The following ZNF704 variants were observed in gnomAD, a reference collection of about 807,000 sequenced individuals.
The protein encoded by ZNF704 is glucocorticoid induced gene 1.
In ZNF704, 10 loss-of-function variants were observed where a neutral mutation model predicts 44.7. That is an observed-to-expected ratio of 0.22 (90% CI 0.14 to 0.38). The LOEUF (loss-of-function observed/expected upper bound fraction) is 0.38. Ranked by LOEUF, ZNF704 falls within the 10% of genes least tolerant of loss-of-function variation. The pLI is 1.00. For synonymous variants in ZNF704, 211 were observed against 207.6 expected, an observed-to-expected ratio of 1.02 and a Z score of -0.14; for missense variants, 390 against 545.5, an observed-to-expected ratio of 0.71 and a Z score of 2.84.
chr8:80,852,664 T>C (rs17474997), intron 1 of ZNF704, among the ~76,000 whole-genome samples: 8,341 of 152,278 alleles, frequency 0.055, 282 homozygotes, highest in Non-Finnish European at 0.076. Context: ...TCGTAGGACA[T>C]TGTCTGGTAG....
chr8:80,775,551 A>G (rs1476104952), intron 2 of ZNF704, among the ~76,000 whole-genome samples: 1 of 152,196 alleles, frequency 6.6e-6, no homozygotes, highest in East Asian at 1.9e-4. Flanking sequence ...CTGACTATAT[A>G]CTCAGATAAG....
chr8:80,735,781 G>A (rs1231887768), intron 2 of ZNF704, among the ~76,000 whole-genome samples: 3 of 152,044 alleles, frequency 2.0e-5, no homozygotes, highest in African/African-American at 7.2e-5. Flanking sequence ...CTATTTCCTG[G>A]CTCCATGTTT....
chr8:80,683,447 C>T (rs191576658), intron 4 of ZNF704, among the ~76,000 whole-genome samples: 1 of 152,318 alleles, frequency 6.6e-6, no homozygotes, highest in Non-Finnish European at 1.5e-5. Flanking sequence ...TGCACCCTTG[C>T]TCCCACCCTG....
chr8:80,692,295 T>C (rs1002633649), intron 3 of ZNF704, among the ~76,000 whole-genome samples: 4 of 152,248 alleles, frequency 2.6e-5, no homozygotes, highest in Non-Finnish European at 4.4e-5. Context: ...AGTTAATCTC[T>C]GTGAGCCTTA....
intron 2 of ZNF704, among the ~76,000 whole-genome samples, chr8:80,818,092 A>G (rs925048885): frequency 7.9e-5 from 12 of 152,218 alleles, no homozygotes; most frequent in African/African-American, 2.9e-4. Flanking sequence ...CTCTAGTTAC[A>G]TGAAATAAGC....
At chr8:80,763,573 C>T (rs1372720159) in intron 2 of ZNF704, among the ~76,000 whole-genome samples, 1 of 152,182 alleles carries the variant, frequency 6.6e-6, no homozygotes, top group Non-Finnish European at 1.5e-5. Flanking sequence ...CTCAGAAAAC[C>T]ATTTTCCCTC....
chr8:80,697,288 G>A (rs1818741762), intron 2 of ZNF704, among the ~76,000 whole-genome samples: 1 of 152,166 alleles, frequency 6.6e-6, no homozygotes, highest in Non-Finnish European at 1.5e-5. Flanking sequence ...ATGAACCCGG[G>A]AGTAAGGTGA....
intron 2 of ZNF704, among the ~76,000 whole-genome samples, chr8:80,781,092 T>C (rs1807514929): frequency 6.6e-6 from 1 of 152,134 alleles, no homozygotes; most frequent in African/African-American, 2.4e-5. Context: ...TATCCTTAGC[T>C]CATGATCATT....
At chr8:80,831,959 A>C (rs996919700) in intron 1 of ZNF704, among the ~76,000 whole-genome samples, 8 of 152,230 alleles carry the variant, frequency 5.3e-5, no homozygotes, top group African/African-American at 1.9e-4. Context: ...ATTGTACTAC[A>C]ATAGCTACCA....
At chr8:80,839,912 C>T (rs932655925) in intron 1 of ZNF704, among the ~76,000 whole-genome samples, 2 of 152,114 alleles carry the variant, frequency 1.3e-5, no homozygotes, top group South Asian at 2.1e-4. Context: ...TGGTTCTGCT[C>T]GTCTGTTAGA....
In ZNF704 at chr8:80,844,932, G is replaced by A. The variant is rs529882823; in HGVS notation, c.-21-23317C>T. On this transcript the variant is annotated intron_variant, in intron 1 of 8. Transcript: ENST00000327835. ...TGGGCTCAAGCAATCCTCCCACCTC[G>A]GCCTCCCAAAGTGCTGGTATTACAG... Among the ~76,000 whole-genome samples the A allele has an allele frequency of 2.7e-3, 415 of 151,522 alleles. 1 individual carries two copies. Among genetic ancestry groups the A allele is most frequent in the African/African-American group, 9.6e-3 (398 of 41,276 alleles).
intron 2 of ZNF704, among the ~76,000 whole-genome samples, chr8:80,747,711 G>A (rs139297222): frequency 6.6e-6 from 1 of 152,082 alleles, no homozygotes; most frequent in Non-Finnish European, 1.5e-5. Flanking sequence ...TTGAAAAAAT[G>A]GTTTTTTTGT....
At chr8:80,832,672 A>G (rs1284977129) in intron 1 of ZNF704, among the ~76,000 whole-genome samples, 1 of 152,154 alleles carries the variant, frequency 6.6e-6, no homozygotes, top group Non-Finnish European at 1.5e-5. Context: ...AAAGTAGTTT[A>G]GAAATTCTAA....
At chr8:80,746,476 G>A (rs1806846628) in intron 2 of ZNF704, among the ~76,000 whole-genome samples, 1 of 152,198 alleles carries the variant, frequency 6.6e-6, no homozygotes, top group South Asian at 2.1e-4. Context: ...GAATGTGATA[G>A]TTTGAGGCTT....
In ZNF704 at chr8:80,670,534, T is replaced by C; in HGVS notation, c.628A>G (p.Ile210Val). Reference sequence around the variant, plus strand: ...TGGATGGTTCGGATGTGTTTCTGGATACCTGCTGCAGTGCTCAGCACCTTC... The same window carrying C: ...TGGATGGTTCGGATGTGTTTCTGGACACCTGCTGCAGTGCTCAGCACCTTC... ...CGKVLSTAAG[I>V]QKHIRTIHLG... The change falls in exon 5 of 9, where the codon ATC becomes GTC. Residue 210 changes from isoleucine (I) to valine (V), a missense_variant. Transcript: ENST00000327835. 2 of 1,614,154 alleles carry C rather than the reference T, an allele frequency of 1.2e-6. No individual in the cohort carries two copies. Among genetic ancestry groups the C allele is most frequent in the Non-Finnish European group, 1.7e-6 (2 of 1,180,006 alleles).
At chr8:80,776,190 C>T (rs116410551) in intron 2 of ZNF704, among the ~76,000 whole-genome samples, 2,718 of 152,212 alleles carry the variant, frequency 0.018, 81 homozygotes, top group African/African-American at 0.062. Flanking sequence ...AGTTTTCACC[C>T]TATCACTATT....
At chr8:80,646,534 C>T (rs992964318) in intron 7 of ZNF704, among the ~76,000 whole-genome samples, 5 of 151,884 alleles carry the variant, frequency 3.3e-5, no homozygotes, top group African/African-American at 9.7e-5. Flanking sequence ...ACCATTGTTG[C>T]CATGAGTTTG....
At chr8:80,858,994 T>C (rs1242473909) in intron 1 of ZNF704, among the ~76,000 whole-genome samples, 1 of 152,238 alleles carries the variant, frequency 6.6e-6, no homozygotes, top group African/African-American at 2.4e-5. Context: ...GTTATTCAAA[T>C]ATTCTATAAT....
intron 1 of ZNF704, among the ~76,000 whole-genome samples, chr8:80,835,819 T>G (rs1808549463): frequency 6.6e-6 from 1 of 152,212 alleles, no homozygotes; most frequent in Non-Finnish European, 1.5e-5. Flanking sequence ...GTTACTTAGA[T>G]ATTTTATTTG....
Sources: gnomAD v4.1 joint callset for allele counts (sites outside exome capture counted in the v4.1 genomes callset) on GRCh38, gnomAD v4.1.1 for gene constraint, MANE v1.5 for transcripts, NCBI Gene and HGNC (gene_info 2026-07-23, HGNC 2026-07-21) for gene names.